ZDHHC13: variants seen among roughly 807,000 people sequenced by gnomAD.
ZDHHC13 encodes the protein palmitoyltransferase ZDHHC13.
A neutral mutation model predicts 86.0 loss-of-function variants in ZDHHC13; 85 were observed. That is an observed-to-expected ratio of 0.99 (90% CI 0.83 to 1.18). The LOEUF is 1.18. ZDHHC13 is among the 50% of genes most tolerant of loss of function. The pLI, the probability that ZDHHC13 is intolerant of heterozygous loss-of-function variation, is 0.00. For synonymous variants in ZDHHC13, 263 were observed against 246.4 expected, an observed-to-expected ratio of 1.07 and a Z score of -0.63; for missense variants, 711 against 730.2, an observed-to-expected ratio of 0.97 and a Z score of 0.30.
At chr11:19,172,997 C>A (rs1044812432) in intron 16 of ZDHHC13, among the ~76,000 whole-genome samples, 177 bp downstream of exon 16, 1 of 152,138 alleles carries the variant, frequency 6.6e-6, no homozygotes, top group Non-Finnish European at 1.5e-5. Flanking sequence ...AGTCGTGAGC[C>A]CCACGGTGGT....
intron 1 of ZDHHC13, among the ~76,000 whole-genome samples, chr11:19,134,056 G>A (rs1428784148): frequency 6.6e-6 from 1 of 151,310 alleles, no homozygotes; most frequent in African/African-American, 2.4e-5. Flanking sequence ...GTTTCAGAAA[G>A]GAAATTCTGA....
chr11:19,130,513 C>T (rs756573561), intron 1 of ZDHHC13, among the ~76,000 whole-genome samples: 13 of 152,132 alleles, frequency 8.5e-5, no homozygotes, highest in Non-Finnish European at 1.6e-4. Flanking sequence ...CAGATTTCGG[C>T]TTCAATGATT....
Position 19,176,092 on chromosome 11 carries a change from T to TA in ZDHHC13, c.*139dup, listed in dbSNP as rs894110951. On this transcript the variant is annotated 3_prime_UTR_variant, in exon 17 of 17. Transcript: ENST00000446113. ...ACACGTGGTTTTTAAAGCCATTAGG[T>TA]AAAAAAAGTTCTCAATAAAGGCATT... 1.4e-5 allele frequency: 14 copies of TA among 1,021,206 alleles called. No homozygotes were observed. Among genetic ancestry groups the TA allele is most frequent in the Admixed American group, 3.2e-5 (1 of 31,652 alleles). The allele number at this position is 1,021,206 out of a possible 1,614,324, so 63.3% of individuals were successfully genotyped here.
In ZDHHC13 at chr11:19,155,842, G is replaced by A. The variant is rs1849742400; in HGVS notation, c.920G>A (p.Gly307Glu). 6.2e-7 allele frequency: 1 copy of A among 1,612,874 alleles called. No individual in the cohort carries two copies. The highest frequency in any genetic ancestry group is 1.3e-5 in the African/African-American group (1 of 74,840). Residue 307 changes from glycine (G) to glutamate (E), a missense_variant, in exon 9 of 17, where the codon GGA becomes GAA. Coordinates refer to ENST00000446113, the MANE Select transcript of ZDHHC13 (RefSeq NM_019028.3). ...TCTGTGATTACCATGTGGGCTATTG[G>A]ATACATATTGGACTTCAATTCAGAT... ...MLSVITMWAI[G>E]YILDFNSDSW... is the part of the protein sequence containing the mutation.
chr11:19,162,839 C>T (rs1304110635), intron 10 of ZDHHC13, among the ~76,000 whole-genome samples: 1 of 152,110 alleles, frequency 6.6e-6, no homozygotes, highest in Non-Finnish European at 1.5e-5. Context: ...CACAAAGGAT[C>T]TTGCCCTATG....
intron 14 of ZDHHC13, chr11:19,166,621 T>A: frequency 6.3e-6 from 2 of 315,896 alleles, no homozygotes; most frequent in Non-Finnish European, 1.1e-5. Context: ...TAGTCAAAAA[T>A]AGAAATTCAT....
intron 1 of ZDHHC13, among the ~76,000 whole-genome samples, chr11:19,124,941 C>G (rs961569153): frequency 6.6e-6 from 1 of 152,036 alleles, no homozygotes; most frequent in Non-Finnish European, 1.5e-5. Flanking sequence ...TCAGTGCAGA[C>G]GAGTGCTCTA....
intron 9 of ZDHHC13, among the ~76,000 whole-genome samples, chr11:19,157,888 C>T (rs557245867): frequency 6.6e-6 from 1 of 152,196 alleles, no homozygotes. Context: ...AGGAAAGCAA[C>T]TGTAAACTAC....
At chr11:19,172,378 G>A (rs753516187) in intron 15 of ZDHHC13, among the ~76,000 whole-genome samples, 6 of 152,040 alleles carry the variant, frequency 3.9e-5, no homozygotes, top group Non-Finnish European at 7.4e-5. Flanking sequence ...GCCGCAGTTA[G>A]GTATTTTAAA....
At chr11:19,133,386 TACACACAC>T (rs55880977) in intron 1 of ZDHHC13, among the ~76,000 whole-genome samples, 3 of 149,580 alleles carry the variant, frequency 2.0e-5, no homozygotes, top group Non-Finnish European at 3.0e-5. Context: ...CACATATATA[TACACACAC>T]ACACACACAC....
At chr11:19,132,098 G>C (rs1849014377) in intron 1 of ZDHHC13, among the ~76,000 whole-genome samples, 1 of 152,078 alleles carries the variant, frequency 6.6e-6, no homozygotes, top group South Asian at 2.1e-4. Flanking sequence ...TCTGGCTATG[G>C]ATCGCATTTT....
chr11:19,175,028 C>T (rs954516756), intron 16 of ZDHHC13, among the ~76,000 whole-genome samples: 2 of 152,070 alleles, frequency 1.3e-5, no homozygotes, highest in African/African-American at 4.8e-5. Flanking sequence ...TGGAGGACAA[C>T]AGTCTGCAAT....
At chr11:19,144,739 G>A (rs1418030135) in intron 2 of ZDHHC13, among the ~76,000 whole-genome samples, 3 of 152,072 alleles carry the variant, frequency 2.0e-5, no homozygotes, top group Non-Finnish European at 4.4e-5. Context: ...TGATCCTTGC[G>A]GGCTTATTGG....
At chr11:19,173,194 G>A (rs934658709) in intron 16 of ZDHHC13, among the ~76,000 whole-genome samples, 6 of 152,140 alleles carry the variant, frequency 3.9e-5, no homozygotes, top group Non-Finnish European at 8.8e-5. Flanking sequence ...TGTAGAGAGC[G>A]TTCACTTGTG....
chr11:19,175,641 CCAGAAATAGGCTT>C (rs1436364004), intron 16 of ZDHHC13, among the ~76,000 whole-genome samples, 168 bp from the exon 17 acceptor site: 20 of 152,200 alleles, frequency 1.3e-4, no homozygotes, highest in Admixed American at 1.2e-3. Context: ...AGATTCAGGT[CCAGAAATAGGCTT>C]CAGTTTTAAG....
At chr11:19,173,231 T>C (rs990382284) in intron 16 of ZDHHC13, among the ~76,000 whole-genome samples, 1 of 152,206 alleles carries the variant, frequency 6.6e-6, no homozygotes, top group Admixed American at 6.5e-5. Context: ...TCAGCCTGGC[T>C]TTCTATCACC....
At chr11:19,140,478 C>G (rs895320776) in intron 1 of ZDHHC13, among the ~76,000 whole-genome samples, 3 of 152,292 alleles carry the variant, frequency 2.0e-5, no homozygotes, top group African/African-American at 4.8e-5. Context: ...GGACTGTAAA[C>G]TAGTTCAACC....
At chr11:19,143,550 A>G (rs1010319956) in intron 2 of ZDHHC13, among the ~76,000 whole-genome samples, 1 of 152,258 alleles carries the variant, frequency 6.6e-6, no homozygotes, top group African/African-American at 2.4e-5. Flanking sequence ...TTACACATTT[A>G]TAGATATTTT....
intron 1 of ZDHHC13, among the ~76,000 whole-genome samples, chr11:19,136,494 A>G (rs1301287086): frequency 6.6e-6 from 1 of 152,214 alleles, no homozygotes; most frequent in Admixed American, 6.5e-5. Context: ...GTTGGAAAAC[A>G]CTCTGCAGGC....
Sources: gnomAD v4.1 joint callset for allele counts (sites outside exome capture counted in the v4.1 genomes callset) on GRCh38, gnomAD v4.1.1 for gene constraint, MANE v1.5 for transcripts, NCBI Gene and HGNC (gene_info 2026-07-23, HGNC 2026-07-21) for gene names.